TRPM3: variants seen among roughly 807,000 people sequenced by gnomAD.
TRPM3 encodes the protein transient receptor potential cation channel subfamily M member 3, also known as long transient receptor potential channel 3.
Under a neutral mutation model 181.2 loss-of-function variants are expected in TRPM3, and 77 were observed. That is an observed-to-expected ratio of 0.42 (90% CI 0.35 to 0.51). TRPM3 has a LOEUF of 0.51. Among genes scored for constraint, TRPM3 ranks in the 20% least tolerant of loss-of-function variants. The pLI is 0.01. For missense variants in TRPM3, 1,759 were observed against 2,196.7 expected (o/e 0.80, Z 3.98); for synonymous variants, 745 against 796.4 (o/e 0.94, Z 1.09).
At chr9:71,362,999 G>C (rs945939026) in intron 1 of TRPM3, among the ~76,000 whole-genome samples, 2 of 152,144 alleles carry the variant, frequency 1.3e-5, no homozygotes, top group African/African-American at 2.4e-5. Context: ...AAGCAAAATT[G>C]TCTTTAGAGC....
chr9:70,819,436 C>T (rs148464861), intron 6 of TRPM3, among the ~76,000 whole-genome samples: 1 of 152,300 alleles, frequency 6.6e-6, no homozygotes, highest in Admixed American at 6.5e-5. Flanking sequence ...CTTTCTGCTA[C>T]TTGTTTACTT....
intron 1 of TRPM3, among the ~76,000 whole-genome samples, chr9:70,932,572 A>T (rs769327425): frequency 6.6e-5 from 10 of 152,220 alleles, no homozygotes; most frequent in Non-Finnish European, 1.2e-4. Flanking sequence ...CAAACAATGT[A>T]TCTTGACCTA....
At chr9:71,151,067 A>G (rs1243652117) in intron 1 of TRPM3, among the ~76,000 whole-genome samples, 1 of 152,208 alleles carries the variant, frequency 6.6e-6, no homozygotes, top group Non-Finnish European at 1.5e-5. Flanking sequence ...AATAAATACC[A>G]GTTAAAAACA....
At chr9:71,181,729 T>G (rs894711275) in intron 1 of TRPM3, among the ~76,000 whole-genome samples, 20 of 152,236 alleles carry the variant, frequency 1.3e-4, no homozygotes, top group African/African-American at 4.3e-4. Context: ...TTTCTACTTT[T>G]CTTTTCTCGT....
intron 1 of TRPM3, among the ~76,000 whole-genome samples, chr9:71,354,376 C>G (rs1250203701): frequency 6.6e-6 from 1 of 152,160 alleles, no homozygotes; most frequent in Non-Finnish European, 1.5e-5. Context: ...ATCCCATCCA[C>G]CCACACACTC....
chr9:71,038,458 T>C (rs565245390), intron 1 of TRPM3, among the ~76,000 whole-genome samples: 14 of 152,344 alleles, frequency 9.2e-5, no homozygotes, highest in Admixed American at 5.2e-4. Context: ...GAGAATGTTT[T>C]GTTTCTTCCC....
At chr9:70,602,773 G>C (rs1297519066) in intron 20 of TRPM3, among the ~76,000 whole-genome samples, 3 of 152,182 alleles carry the variant, frequency 2.0e-5, no homozygotes, top group East Asian at 1.9e-4. Flanking sequence ...CCATAGAAGT[G>C]GGGGGAGAAA....
At chr9:70,821,572 T>C (rs1164650641) in intron 6 of TRPM3, among the ~76,000 whole-genome samples, 1 of 152,188 alleles carries the variant, frequency 6.6e-6, no homozygotes, top group African/African-American at 2.4e-5. Flanking sequence ...ATCTGAACAG[T>C]AAAATAAATA....
In TRPM3 at chr9:71,121,445, G is replaced by A. The variant is rs2073629234; in HGVS notation, c.-91C>T. The A allele has an allele frequency of 2.0e-6, 3 of 1,493,260 alleles. No homozygotes were observed. The highest frequency in any genetic ancestry group is 2.7e-6 in the Non-Finnish European group (3 of 1,126,146). The allele number at this position is 1,493,260 out of a possible 1,614,324, so 92.5% of individuals were successfully genotyped here. ...GTCAAGTAGCCTTGCCTGAGCCCCT[G>A]AACCTTCTTAAAACAGCCACCTCCC... On this transcript the variant is annotated 5_prime_UTR_variant, in exon 1 of 26. The change creates a premature stop within an existing upstream ORF in the 5' untranslated region. Coordinates refer to ENST00000677713, the MANE Select transcript of TRPM3 (RefSeq NM_001366145.2).
chr9:71,170,042 C>T (rs1255010923), intron 1 of TRPM3, among the ~76,000 whole-genome samples: 1 of 147,890 alleles, frequency 6.8e-6, no homozygotes, highest in African/African-American at 2.5e-5. Context: ...TCAGACTTTA[C>T]TGCTTAATTT....
chr9:70,601,955 A>G (rs2060073472), intron 20 of TRPM3, among the ~76,000 whole-genome samples: 1 of 152,208 alleles, frequency 6.6e-6, no homozygotes, highest in Non-Finnish European at 1.5e-5. Context: ...AGCGGGCCTC[A>G]GTTCTCAGAG....
intron 1 of TRPM3, among the ~76,000 whole-genome samples, chr9:71,228,795 C>A (rs1320877479): frequency 6.6e-6 from 1 of 152,048 alleles, no homozygotes; most frequent in East Asian, 1.9e-4. Context: ...AACTGTAAAA[C>A]ATTTGGTGAA....
intron 1 of TRPM3, among the ~76,000 whole-genome samples, chr9:70,994,024 A>G (rs2097519221): frequency 6.6e-6 from 1 of 152,124 alleles, no homozygotes; most frequent in South Asian, 2.1e-4. Context: ...GAGTGAGAAA[A>G]TGACCAGTTA....
chr9:71,156,543 TTGCTCTCAGGATTAACTTTTAA>T (rs1346895853), intron 1 of TRPM3, among the ~76,000 whole-genome samples: 2 of 152,054 alleles, frequency 1.3e-5, no homozygotes, highest in East Asian at 3.9e-4. Context: ...ATCTAATTTC[TTGCTCTCAGGATTAACTTTTAA>T]TGCTTTAAAT....
chr9:70,994,937 A>C (rs945572444), intron 1 of TRPM3, among the ~76,000 whole-genome samples: 1 of 152,208 alleles, frequency 6.6e-6, no homozygotes, highest in Admixed American at 6.5e-5. Context: ...TGTTTCCTGC[A>C]GGGCATGTTC....
At chr9:70,944,024 C>T (rs908786677) in intron 1 of TRPM3, among the ~76,000 whole-genome samples, 2 of 152,136 alleles carry the variant, frequency 1.3e-5, no homozygotes, top group Non-Finnish European at 2.9e-5. Context: ...AAGTGGTCCG[C>T]CCCCCACCTT....
chr9:70,566,115 A>G (rs2050515272), intron 22 of TRPM3, among the ~76,000 whole-genome samples: 1 of 152,188 alleles, frequency 6.6e-6, no homozygotes, highest in Non-Finnish European at 1.5e-5. Context: ...GACAGAAAAG[A>G]AACAATAGCA....
intron 20 of TRPM3, among the ~76,000 whole-genome samples, chr9:70,603,123 T>C (rs1455559140): frequency 2.0e-5 from 3 of 152,120 alleles, no homozygotes; most frequent in Non-Finnish European, 2.9e-5. Flanking sequence ...TAGCAGAGAA[T>C]AGACCAAATC....
At chr9:70,618,737 G>A (rs1332548618) in intron 17 of TRPM3, 130 bp downstream of exon 17, 3 of 778,452 alleles carry the variant, frequency 3.9e-6, no homozygotes, top group South Asian at 1.5e-5. Flanking sequence ...GGATTCTGAG[G>A]CACAGTCAGG....
Sources: allele counts gnomAD v4.1 joint callset (sites outside exome capture counted in the v4.1 genomes callset), GRCh38; gene constraint gnomAD v4.1.1; transcripts MANE v1.5; gene names NCBI Gene and HGNC (gene_info 2026-07-23, HGNC 2026-07-21).